TBXAS1: variants seen among roughly 807,000 people sequenced by gnomAD.
TBXAS1 encodes thromboxane-A synthase.
Under a neutral mutation model 60.7 loss-of-function variants are expected in TBXAS1, and 48 were observed. The observed-to-expected ratio is 0.79, with a 90% CI of 0.63 to 1.01. The LOEUF (loss-of-function observed/expected upper bound fraction) is 1.01. Ranked by LOEUF, TBXAS1 falls within the 50% of genes least tolerant of loss-of-function variation. The pLI, the probability that TBXAS1 is intolerant of heterozygous loss-of-function variation, is 0.00. For synonymous variants in TBXAS1, 287 were observed against 269.7 expected, an observed-to-expected ratio of 1.06 and a Z score of -0.63; for missense variants, 685 against 686.3, an observed-to-expected ratio of 1.00 and a Z score of 0.02.
intron 3 of TBXAS1, among the ~76,000 whole-genome samples, chr7:139,882,653 C>T (rs1802782464): frequency 6.6e-6 from 1 of 151,988 alleles, no homozygotes. Context: ...AACACAATAC[C>T]CTTGAAACAG....
intron 11 of TBXAS1, among the ~76,000 whole-genome samples, chr7:140,017,395 G>T (rs1055331415): frequency 6.6e-6 from 1 of 152,218 alleles, no homozygotes; most frequent in Non-Finnish European, 1.5e-5. Context: ...GAGTCTGTGG[G>T]CTTATTAGCC....
chr7:139,805,712 T>TTCTC (rs1554466260), intron 4 of TBXAS1, among the ~76,000 whole-genome samples: 216 of 44,326 alleles, frequency 4.9e-3, no homozygotes, highest in African/African-American at 9.0e-3. Context: ...CTTTCTTTCT[T>TTCTC]TCTCTCTCTC....
chr7:139,781,837 CAAAAAAAAAAAAA>C lies in TBXAS1; in HGVS notation c.-232-818_-232-806del, dbSNP rs200999267. Among the ~76,000 whole-genome samples, 59 of 67,312 alleles carry C rather than the reference CAAAAAAAAAAAAA, an allele frequency of 8.8e-4. 1 individual carries two copies. Among genetic ancestry groups the C allele is most frequent in the Non-Finnish European group, 3.7e-4 (14 of 37,374 alleles). 44.2% of individuals were successfully genotyped at this position (67,312 alleles called of 152,430 possible). ...AGGCAACAAGAGCTAAATTCCATCTCAAAAAAAAAAAAAAAAAAAAAAAGGCAGAAAGGCATCA... is the reference window on the plus strand; with the variant it reads ...AGGCAACAAGAGCTAAATTCCATCTCAAAAAAAAAAGGCAGAAAGGCATCA... On this transcript the variant is annotated intron_variant, in intron 2 of 16. Transcript: ENST00000336425.
chr7:139,825,860 G>C (rs548020200), upstream of TBXAS1, among the ~76,000 whole-genome samples: 2 of 152,288 alleles, frequency 1.3e-5, no homozygotes. Context: ...GGCCTTTGTG[G>C]TAAAATACAC....
At chr7:139,836,660 C>T (rs908888159) in intron 1 of TBXAS1, among the ~76,000 whole-genome samples, 1 of 152,196 alleles carries the variant, frequency 6.6e-6, no homozygotes, top group African/African-American at 2.4e-5. Context: ...ATTCAAAAAT[C>T]AACCCAAGAT....
chr7:139,889,290 T>A (rs1313287204), intron 3 of TBXAS1, among the ~76,000 whole-genome samples: 1 of 150,388 alleles, frequency 6.6e-6, no homozygotes, highest in African/African-American at 2.5e-5. Context: ...GCTGAGATCA[T>A]GTCACTGTAA....
At chr7:139,888,596 C>T (rs1474448753) in intron 3 of TBXAS1, among the ~76,000 whole-genome samples, 1 of 152,182 alleles carries the variant, frequency 6.6e-6, no homozygotes, top group African/African-American at 2.4e-5. Flanking sequence ...TTGTACCCCA[C>T]AGTCTCTGCA....
intron 5 of TBXAS1, among the ~76,000 whole-genome samples, chr7:139,944,859 A>C (rs1358809308): frequency 2.6e-5 from 4 of 152,228 alleles, no homozygotes; most frequent in African/African-American, 9.6e-5. Context: ...CCTAGCACTC[A>C]GCATTGTCCA....
intron 4 of TBXAS1, among the ~76,000 whole-genome samples, chr7:139,804,290 G>C (rs1007882246): frequency 6.6e-6 from 1 of 152,202 alleles, no homozygotes; most frequent in Non-Finnish European, 1.5e-5. Context: ...GGGGCCTGTA[G>C]CTCCTTTGTT....
chr7:140,015,724 T>C lies in TBXAS1; in HGVS notation c.1228T>C (p.Phe410Leu). The change falls in exon 11 of 13, where the codon TTC becomes CTC. Residue 410 changes from phenylalanine to leucine, a missense_variant and splice_region_variant. Physicochemically the swap from Phe to Leu is conservative, Grantham distance 22. Coordinates refer to ENST00000448866, the MANE Select transcript of TBXAS1 (RefSeq NM_001061.7). ...TLRMYPPAFRFTREAAQDCEV... is the reference protein window; with the variant it reads ...TLRMYPPAFRLTREAAQDCEV... ...CCCCCGACCTGGTGTTTCCCTCAGA[T>C]TCACACGGGAGGCAGCTCAGGACTG... 6.2e-7 allele frequency: 1 copy of C among 1,613,218 alleles called. No individual in the cohort carries two copies. The highest frequency in any genetic ancestry group is 8.5e-7 in the Non-Finnish European group (1 of 1,180,030).
intron 1 of TBXAS1, among the ~76,000 whole-genome samples, chr7:139,830,833 CTCA>C (rs1328838866): frequency 6.6e-6 from 1 of 151,980 alleles, no homozygotes; most frequent in East Asian, 1.9e-4. Flanking sequence ...TCATATTAAT[CTCA>C]TCAATAGCTA....
At chr7:139,853,818 T>G (rs1393022490) in intron 1 of TBXAS1, among the ~76,000 whole-genome samples, 2 of 152,134 alleles carry the variant, frequency 1.3e-5, no homozygotes, top group Non-Finnish European at 2.9e-5. Context: ...ATAATGAACG[T>G]AGACAGGATT....
At chr7:139,938,591 T>G (rs775545060) in intron 5 of TBXAS1, among the ~76,000 whole-genome samples, 3 of 152,202 alleles carry the variant, frequency 2.0e-5, no homozygotes, top group Non-Finnish European at 4.4e-5. Flanking sequence ...CCATGTAGAC[T>G]AGCTGCCTGG....
intron 9 of TBXAS1, among the ~76,000 whole-genome samples, chr7:139,965,327 G>A (rs898110259): frequency 2.6e-5 from 4 of 152,208 alleles, no homozygotes; most frequent in African/African-American, 9.6e-5. Flanking sequence ...TTTGAGTTTA[G>A]TGTGCATAAA....
chr7:139,878,108 TGAGAGAGA>T (rs3070223), intron 3 of TBXAS1, among the ~76,000 whole-genome samples: 56 of 147,040 alleles, frequency 3.8e-4, no homozygotes, highest in Middle Eastern at 3.4e-3. Flanking sequence ...TGTGTGTGTG[TGAGAGAGA>T]GAGAGAGAGA....
At chr7:139,935,936 G>C (rs115429079) in intron 4 of TBXAS1, among the ~76,000 whole-genome samples, 1 of 152,138 alleles carries the variant, frequency 6.6e-6, no homozygotes, top group African/African-American at 2.4e-5. Flanking sequence ...TTGTCTCTAT[G>C]ATGATGACCA....
At chr7:139,903,161 GC>G (rs1339852303) in intron 3 of TBXAS1, among the ~76,000 whole-genome samples, 4 of 151,958 alleles carry the variant, frequency 2.6e-5, no homozygotes, top group Non-Finnish European at 5.9e-5. Flanking sequence ...TGTCCTCATA[GC>G]TTAGTTCCCA....
intron 3 of TBXAS1, among the ~76,000 whole-genome samples, chr7:139,897,834 A>G (rs972457447): frequency 3.3e-5 from 5 of 152,316 alleles, no homozygotes; most frequent in Non-Finnish European, 5.9e-5. Context: ...GCCCTGGGAA[A>G]GCAACTCCAG....
At position 140,007,163 on chromosome 7, in the gene TBXAS1, A is replaced by T. The variant is rs1569524530; in HGVS notation, c.1207A>T (p.Met403Leu). The change falls in exon 10 of 13, where the codon ATG (methionine) becomes TTG (leucine). Residue 403 changes from methionine to leucine, a missense_variant. By Grantham distance (15) the Met-to-Leu change is conservative (BLOSUM62 2). Transcript: ENST00000448866. ...CATGGTGATTGCAGAGACGCTGAGG[A>T]TGTACCCGCCAGCTTTCAGGTGTGT... The part of the protein sequence containing the change: ...LDMVIAETLR[M>L]YPPAFRFTRE... 1 of 1,613,994 alleles carries T rather than the reference A, an allele frequency of 6.2e-7. No individual in the cohort carries two copies. The highest frequency in any genetic ancestry group is 2.2e-5 in the East Asian group (1 of 44,878).
Sources: allele counts gnomAD v4.1 joint callset (sites outside exome capture counted in the v4.1 genomes callset), GRCh38; gene constraint gnomAD v4.1.1; transcripts MANE v1.5; gene names NCBI Gene and HGNC (gene_info 2026-07-23, HGNC 2026-07-21).